Variants in NAA15 observed in about 807,000 individuals in gnomAD.
NAA15 encodes the protein N-terminal acetyltransferase.
NAA15 carries 34 observed loss-of-function variants against 114.0 expected under a neutral mutation model. The ratio of observed to expected loss-of-function variants is 0.30; its 90% CI spans 0.23 to 0.40. The LOEUF (loss-of-function observed/expected upper bound fraction) is 0.40, where lower values mean the gene tolerates loss of function less well. Among genes scored for constraint, NAA15 ranks in the 10% least tolerant of loss-of-function variants. The pLI is 1.00. For missense variants in NAA15, 658 were observed against 1,004.5 expected, an observed-to-expected ratio of 0.66 and a Z score of 4.66; for synonymous variants, 340 against 338.0, an observed-to-expected ratio of 1.01 and a Z score of -0.06.
intron 14 of NAA15, 27 bp downstream of exon 14, chr4:139,361,964 C>A: frequency 1.3e-6 from 2 of 1,525,824 alleles, no homozygotes; most frequent in Non-Finnish European, 1.8e-6. Flanking sequence ...TCTTCTTGTG[C>A]TCTGATGTGT....
intron 1 of NAA15, among the ~76,000 whole-genome samples, chr4:139,311,065 C>T (rs1746208426): frequency 6.6e-6 from 1 of 151,866 alleles, no homozygotes; most frequent in Non-Finnish European, 1.5e-5. Context: ...GCTGGGACTA[C>T]AGGCACATGC....
chr4:139,309,365 AT>A (rs1746137019), intron 1 of NAA15, among the ~76,000 whole-genome samples: 1 of 151,486 alleles, frequency 6.6e-6, no homozygotes, highest in Non-Finnish European at 1.5e-5. Flanking sequence ...AAAAAAAAAA[AT>A]CTAGTGAGAA....
At chr4:139,330,979 A>G (rs1036630558) in intron 1 of NAA15, among the ~76,000 whole-genome samples, 1 of 152,144 alleles carries the variant, frequency 6.6e-6, no homozygotes, top group Non-Finnish European at 1.5e-5. Context: ...CACTTGCATT[A>G]ACTTCTTTCC....
chr4:139,322,206 T>C (rs1376951297), intron 1 of NAA15, among the ~76,000 whole-genome samples: 5 of 152,248 alleles, frequency 3.3e-5, no homozygotes, highest in African/African-American at 9.6e-5. Flanking sequence ...AATTGAATCA[T>C]GGGGGAGGGT....
intron 9 of NAA15, among the ~76,000 whole-genome samples, chr4:139,352,961 C>T (rs561656865): frequency 6.6e-6 from 1 of 152,088 alleles, no homozygotes; most frequent in South Asian, 2.1e-4. Flanking sequence ...AGCCACCATG[C>T]CTGGCCAAGT....
intron 10 of NAA15, among the ~76,000 whole-genome samples, chr4:139,357,123 G>A (rs909808379): frequency 1.3e-5 from 2 of 151,670 alleles, no homozygotes; most frequent in African/African-American, 4.8e-5. Flanking sequence ...TTTCTTTCTA[G>A]GTAGTTAGAC....
intron 1 of NAA15, among the ~76,000 whole-genome samples, chr4:139,308,735 C>T (rs1746111816): frequency 1.3e-5 from 2 of 152,102 alleles, no homozygotes; most frequent in East Asian, 3.9e-4. Context: ...CCTGCCTCAG[C>T]CTCCCCAGTA....
Position 139,319,369 on chromosome 4 carries a change from GT to G in NAA15, c.55-14804del, listed in dbSNP as rs374128586. 5.8e-3 allele frequency among the ~76,000 whole-genome samples: 883 copies of G among 152,034 alleles called. 14 individuals carry two copies. Among genetic ancestry groups the G allele is most frequent in the African/African-American group, 0.02 (851 of 41,520 alleles). Reference sequence around the variant, plus strand: ...GATCCACCCACCTTGGCCTCCCAAAGTGCTGGGATTACAGGCGTGAGCCACC... The same window carrying G: ...GATCCACCCACCTTGGCCTCCCAAAGGCTGGGATTACAGGCGTGAGCCACC... On this transcript the variant is annotated intron_variant, in intron 1 of 19. Transcript: ENST00000296543.
chr4:139,351,319 G>A, intron 8 of NAA15, 33 bp downstream of exon 8: 2 of 1,426,498 alleles, frequency 1.4e-6, no homozygotes, highest in Non-Finnish European at 2.0e-6. Flanking sequence ...GAATAGAAAT[G>A]CTTTTATGAT....
chr4:139,382,949 C>G (rs1413215939), intron 17 of NAA15, among the ~76,000 whole-genome samples: 1 of 152,034 alleles, frequency 6.6e-6, no homozygotes, highest in Non-Finnish European at 1.5e-5. Flanking sequence ...TGGGTCATTA[C>G]CAGCACTCAA....
rs1469862618 is a variant in NAA15, at chr4:139,301,526, C to T, written c.-252C>T. 3.6e-6 allele frequency: 2 copies of T among 551,648 alleles called. No individual in the cohort carries two copies. The highest frequency in any genetic ancestry group is 3.3e-5 in the Admixed American group (1 of 29,918). The allele number at this position is 551,648 out of a possible 1,614,324, so 34.2% of individuals were successfully genotyped here. The stretch of plus-strand genomic sequence containing the variant: ...TTTTGGCTGCCTCTGTCGGTCTGTT[C>T]AGTTACCACGTGAACCGCCGACGGA... On this transcript the variant is annotated 5_prime_UTR_variant, in exon 1 of 20. Transcript: ENST00000296543.
chr4:139,345,991 C>T (rs1446868308), intron 6 of NAA15, among the ~76,000 whole-genome samples: 1 of 151,902 alleles, frequency 6.6e-6, no homozygotes, highest in Non-Finnish European at 1.5e-5. Context: ...AGGAGTTTTG[C>T]TGTAAATGAA....
intron 1 of NAA15, 28 bp from the exon 2 acceptor site, chr4:139,334,146 C>G (rs1560961992): frequency 6.8e-7 from 1 of 1,472,962 alleles, no homozygotes. Flanking sequence ...CCTTGCTAAA[C>G]TTAAATTTTT....
chr4:139,323,053 CTTT>C (rs67137305), intron 1 of NAA15, among the ~76,000 whole-genome samples: 30,207 of 117,014 alleles, frequency 0.26, 3,483 homozygotes, highest in African/African-American at 0.32. Flanking sequence ...CTTTTCTTTT[CTTT>C]TTTTTTTTTT....
intron 1 of NAA15, among the ~76,000 whole-genome samples, chr4:139,306,113 T>C (rs556562085): frequency 1.3e-5 from 2 of 152,248 alleles, no homozygotes; most frequent in African/African-American, 4.8e-5. Context: ...CCAATATTAC[T>C]CTTCTGTTTT....
chr4:139,372,060 C>T (rs527459329), intron 15 of NAA15, among the ~76,000 whole-genome samples: 4 of 152,164 alleles, frequency 2.6e-5, no homozygotes, highest in Admixed American at 6.5e-5. Context: ...GGACTACAGG[C>T]GCCCGCCACC....
At chr4:139,354,289 T>A (rs957155432) in intron 10 of NAA15, among the ~76,000 whole-genome samples, 191 bp downstream of exon 10, 4 of 152,174 alleles carry the variant, frequency 2.6e-5, no homozygotes, top group Non-Finnish European at 5.9e-5. Context: ...TTACATTATC[T>A]TTGTTTTTTG....
intron 1 of NAA15, among the ~76,000 whole-genome samples, chr4:139,326,796 C>T (rs1023465683): frequency 2.0e-5 from 3 of 152,130 alleles, no homozygotes; most frequent in African/African-American, 4.8e-5. Context: ...GCCATTAATA[C>T]AAAGTCAATT....
intron 3 of NAA15, among the ~76,000 whole-genome samples, chr4:139,337,241 C>A (rs1159251322): frequency 2.6e-5 from 4 of 152,164 alleles, no homozygotes; most frequent in Admixed American, 1.3e-4. Context: ...TTGTGTGGCA[C>A]TCCGCTACCC....
Sources: allele counts gnomAD v4.1 joint callset (sites outside exome capture counted in the v4.1 genomes callset), GRCh38; gene constraint gnomAD v4.1.1; transcripts MANE v1.5; gene names NCBI Gene and HGNC (gene_info 2026-07-23, HGNC 2026-07-21).